Variants in ZNF624 observed in about 807,000 individuals in gnomAD.
ZNF624 encodes the protein zinc finger protein 624.
Under a neutral mutation model 74.7 loss-of-function variants are expected in ZNF624, and 43 were observed. The observed-to-expected ratio is 0.58, with a 90% confidence interval of 0.45 to 0.74. The LOEUF is 0.74. Among genes scored for constraint, ZNF624 ranks in the 30% least tolerant of loss-of-function variants. The probability of loss-of-function intolerance (pLI) is 0.00; values close to 1 mark genes in which losing one functional copy is unlikely to be tolerated. For synonymous variants in ZNF624, 331 were observed against 341.3 expected (o/e 0.97, Z 0.33); for missense variants, 820 against 1,030.0 (o/e 0.80, Z 2.79).
chr17:16,638,225 A>G (rs1020902710), intron 3 of ZNF624, among the ~76,000 whole-genome samples: 3 of 152,218 alleles, frequency 2.0e-5, no homozygotes, highest in African/African-American at 7.2e-5. Flanking sequence ...CAGGTGCTGG[A>G]GAGGATGTGG....
At chr17:16,640,174 C>T (rs1293579546) in intron 3 of ZNF624, among the ~76,000 whole-genome samples, 1 of 151,848 alleles carries the variant, frequency 6.6e-6, no homozygotes, top group Non-Finnish European at 1.5e-5. Context: ...ATATACTCAC[C>T]TAACAAAAGA....
intron 5 of ZNF624, among the ~76,000 whole-genome samples, chr17:16,628,740 C>CA (rs1339391546): frequency 2.7e-5 from 4 of 150,218 alleles, no homozygotes; most frequent in African/African-American, 9.8e-5. Flanking sequence ...GAAGCTAAGT[C>CA]AAAGAAATAA....
chr17:16,629,197 C>CA (rs34250278), intron 5 of ZNF624, among the ~76,000 whole-genome samples: 1,799 of 59,052 alleles, frequency 0.03, 56 homozygotes, highest in Non-Finnish European at 0.047. Flanking sequence ...GACTCCATCT[C>CA]AAAAAAAAAA....
At chr17:16,643,145 T>C (rs1231172624) in intron 3 of ZNF624, among the ~76,000 whole-genome samples, 1 of 152,224 alleles carries the variant, frequency 6.6e-6, no homozygotes, top group Non-Finnish European at 1.5e-5. Flanking sequence ...CATAGAATTA[T>C]CATATGATCC....
Position 16,621,142 on chromosome 17 carries a change from G to A in ZNF624, c.*1146C>T, listed in dbSNP as rs936391491. ...ATTATTTTAACAAAAATGATATATT[G>A]TATATATACATTTGTTATAAAGCAA... On this transcript the variant is annotated 3_prime_UTR_variant, in exon 6 of 6. Coordinates refer to ENST00000311331, the MANE Select transcript of ZNF624 (RefSeq NM_020787.4). 6.6e-6 allele frequency: 1 copy of A among 152,146 alleles called. No homozygotes were observed. 9.4% of individuals were successfully genotyped at this position (152,146 alleles called of 1,614,324 possible).
At chr17:16,635,269 T>TA (rs553533038) in intron 3 of ZNF624, among the ~76,000 whole-genome samples, 9 of 151,860 alleles carry the variant, frequency 5.9e-5, no homozygotes, top group East Asian at 3.9e-4. Context: ...AAAAGAAAAA[T>TA]AAAAAAAATC....
intron 2 of ZNF624, among the ~76,000 whole-genome samples, chr17:16,648,207 G>A (rs1909639404): frequency 6.6e-6 from 1 of 151,936 alleles, no homozygotes; most frequent in Non-Finnish European, 1.5e-5. Context: ...GCCTCCCAAA[G>A]TGCTAGGATT....
chr17:16,631,941 G>T (rs1398767342), intron 5 of ZNF624, among the ~76,000 whole-genome samples: 1 of 152,086 alleles, frequency 6.6e-6, no homozygotes, highest in Non-Finnish European at 1.5e-5. Context: ...GAAACAAAAA[G>T]AAAAAGGAAA....
In ZNF624 at chr17:16,622,756, G is replaced by C. The variant is rs1174402104; in HGVS notation, c.2130C>G (p.Gly710=). 6.2e-7 allele frequency: 1 copy of C among 1,613,490 alleles called. No homozygotes were observed. The highest frequency in any genetic ancestry group is 1.3e-5 in the African/African-American group (1 of 74,894). Residue 710 remains glycine (G), a synonymous_variant, in exon 6 of 6, where the codon GGC becomes GGG. Coordinates refer to ENST00000311331, the MANE Select transcript of ZNF624 (RefSeq NM_020787.4). ...TATGTGTTCTTTGATGTGTATTAAA[G>C]CCTGAGTTACTTGTGAAAACCTTTC... ...ECGKVFTSNS[G]FNTHQRTHTG...
chr17:16,653,016 G>C (rs146830293), intron 1 of ZNF624, among the ~76,000 whole-genome samples: 6 of 152,286 alleles, frequency 3.9e-5, no homozygotes, highest in African/African-American at 9.6e-5. Context: ...TCCAACTATT[G>C]CAAACGTATC....
intron 2 of ZNF624, 78 bp from the exon 3 acceptor site, chr17:16,647,472 T>A: frequency 1.7e-6 from 2 of 1,201,498 alleles, no homozygotes; most frequent in South Asian, 2.4e-5. Context: ...GCACCACCAA[T>A]CCACTGTGGA....
At chr17:16,615,630 T>C in the ZNF624 span, among the ~76,000 whole-genome samples, 5 of 152,120 alleles carry the variant, frequency 3.3e-5, no homozygotes, top group Admixed American at 3.3e-4. Flanking sequence ...CCCATCCTGA[T>C]AACAAACCTC....
At chr17:16,631,114 T>C (rs1909197604) in intron 5 of ZNF624, among the ~76,000 whole-genome samples, 1 of 152,108 alleles carries the variant, frequency 6.6e-6, no homozygotes, top group African/African-American at 2.4e-5. Flanking sequence ...ACAAGATTGC[T>C]AGAAAATTCC....
At chr17:16,643,795 G>T (rs1024490701) in intron 3 of ZNF624, among the ~76,000 whole-genome samples, 3 of 152,178 alleles carry the variant, frequency 2.0e-5, no homozygotes, top group Admixed American at 2.0e-4. Flanking sequence ...TGTGAAGAAC[G>T]AATGAAAAAT....
At chr17:16,629,155 G>A (rs8082225) in intron 5 of ZNF624, among the ~76,000 whole-genome samples, 20,416 of 138,516 alleles carry the variant, frequency 0.15, 1,596 homozygotes, top group East Asian at 0.37. Flanking sequence ...CCGAGATCAC[G>A]TCACTGCACT....
At chr17:16,638,763 G>A (rs989279115) in intron 3 of ZNF624, among the ~76,000 whole-genome samples, 1 of 135,808 alleles carries the variant, frequency 7.4e-6, no homozygotes, top group African/African-American at 2.9e-5. Flanking sequence ...GCTAAATGAC[G>A]ACTTAATGGG....
intron 3 of ZNF624, among the ~76,000 whole-genome samples, chr17:16,641,246 A>G (rs1043043144): frequency 2.0e-5 from 3 of 151,966 alleles, no homozygotes; most frequent in Admixed American, 2.0e-4. Flanking sequence ...CAAAGACAAC[A>G]ATGTCCCTTC....
downstream of ZNF624, among the ~76,000 whole-genome samples, chr17:16,619,620 A>T (rs1470653325): frequency 1.3e-5 from 2 of 152,240 alleles, no homozygotes; most frequent in African/African-American, 2.4e-5. Flanking sequence ...AGTGCAAATT[A>T]AACCCATAAT....
intron 5 of ZNF624, among the ~76,000 whole-genome samples, chr17:16,632,442 T>C (rs1909228379): frequency 6.6e-6 from 1 of 152,156 alleles, no homozygotes; most frequent in African/African-American, 2.4e-5. Context: ...TTCTTTCCTT[T>C]AGCCACTGCT....
Sources: allele counts gnomAD v4.1 joint callset (sites outside exome capture counted in the v4.1 genomes callset), GRCh38; gene constraint gnomAD v4.1.1; transcripts MANE v1.5; gene names NCBI Gene and HGNC (gene_info 2026-07-23, HGNC 2026-07-21).